PDE4D: variants seen among roughly 807,000 people sequenced by gnomAD.
The protein encoded by PDE4D is phosphodiesterase 4D.
PDE4D carries 24 observed loss-of-function variants against 87.4 expected under a neutral mutation model. The observed-to-expected ratio is 0.27, with a 90% CI of 0.20 to 0.39. The LOEUF is 0.39. Ranked by LOEUF, PDE4D falls within the 10% of genes least tolerant of loss-of-function variation. The probability of loss-of-function intolerance (pLI) is 1.00; values close to 1 mark genes in which losing one functional copy is unlikely to be tolerated. For synonymous variants in PDE4D, 384 were observed against 383.2 expected (o/e 1.00, Z -0.02); for missense variants, 714 against 1,041.0 (o/e 0.69, Z 4.32).
chr5:59,541,641 A>C (rs1816367635), intron 1 of PDE4D, among the ~76,000 whole-genome samples: 1 of 152,238 alleles, frequency 6.6e-6, no homozygotes, highest in Admixed American at 6.5e-5. Flanking sequence ...ATTGTGCAGA[A>C]AGCACATGGC....
At chr5:59,568,795 A>G (rs1170998101) in intron 1 of PDE4D, among the ~76,000 whole-genome samples, 2 of 152,200 alleles carry the variant, frequency 1.3e-5, no homozygotes, top group African/African-American at 4.8e-5. Flanking sequence ...GATAAATGAA[A>G]CACGAGAACT....
chr5:59,428,360 A>T (rs921139574), intron 1 of PDE4D, among the ~76,000 whole-genome samples: 3 of 151,990 alleles, frequency 2.0e-5, no homozygotes, highest in Non-Finnish European at 4.4e-5. Flanking sequence ...TTCTTTGGGT[A>T]GGCTGAAATA....
At position 60,321,730 on chromosome 5, in the gene PDE4D, A is replaced by G. The variant is rs190681526; in HGVS notation, c.-89-136043T>C. ...AAACAGCCCCATCACAAAGTGAGCA[A>G]AGGACATGAACAGACATTTTTCAGA... On this transcript the variant is annotated intron_variant, in intron 1 of 16. Coordinates refer to the PDE4D transcript ENST00000502484. Among the ~76,000 whole-genome samples, 320 of 152,328 alleles carry G rather than the reference A, an allele frequency of 2.1e-3. 3 individuals are homozygous for G. Among genetic ancestry groups the G allele is most frequent in the African/African-American group, 7.3e-3 (303 of 41,562 alleles).
At chr5:59,458,400 C>G (rs950839582) in intron 1 of PDE4D, among the ~76,000 whole-genome samples, 3 of 152,128 alleles carry the variant, frequency 2.0e-5, no homozygotes, top group Non-Finnish European at 4.4e-5. Flanking sequence ...AAGGAATTCT[C>G]AGTGAAACCT....
At chr5:60,002,096 G>T (rs1270887909) in intron 2 of PDE4D, among the ~76,000 whole-genome samples, 5 of 151,646 alleles carry the variant, frequency 3.3e-5, no homozygotes, top group African/African-American at 1.2e-4. Flanking sequence ...TCAATCAAAA[G>T]ACACAAAGTG....
At chr5:60,487,297 T>G (rs1040786883) in intron 1 of PDE4D, among the ~76,000 whole-genome samples, 1 of 152,242 alleles carries the variant, frequency 6.6e-6, no homozygotes, top group Non-Finnish European at 1.5e-5. Context: ...ATGTGTTTAA[T>G]GTACTTTTTA....
intron 1 of PDE4D, among the ~76,000 whole-genome samples, chr5:60,499,334 A>C (rs2150244139): frequency 6.6e-6 from 1 of 152,338 alleles, no homozygotes; most frequent in South Asian, 2.1e-4. Context: ...AAACAGAGGA[A>C]ACAATAAGGA....
intron 1 of PDE4D, among the ~76,000 whole-genome samples, chr5:59,398,769 T>G (rs1462888955): frequency 8.4e-6 from 1 of 119,008 alleles, no homozygotes. Flanking sequence ...GGTATTCAAT[T>G]AGGAAAAGAG....
At chr5:60,146,205 C>G (rs112057501) in intron 2 of PDE4D, among the ~76,000 whole-genome samples, 1 of 152,166 alleles carries the variant, frequency 6.6e-6, no homozygotes, top group Non-Finnish European at 1.5e-5. Context: ...CAAAGTGAGA[C>G]TCCATCTCAA....
chr5:60,127,844 T>C (rs1301397822), intron 2 of PDE4D, among the ~76,000 whole-genome samples: 3 of 152,020 alleles, frequency 2.0e-5, no homozygotes, highest in African/African-American at 7.2e-5. Flanking sequence ...AGTATATAAG[T>C]GATCATTGAA....
At chr5:59,357,798 C>CGTCATCG (rs1781617817) in intron 1 of PDE4D, among the ~76,000 whole-genome samples, 1 of 152,144 alleles carries the variant, frequency 6.6e-6, no homozygotes, top group Non-Finnish European at 1.5e-5. Context: ...ACCCTAGTGC[C>CGTCATCG]GTCATCGGTC....
chr5:59,237,536 A>G (rs75904141), intron 1 of PDE4D, among the ~76,000 whole-genome samples: 5,335 of 152,244 alleles, frequency 0.035, 325 homozygotes, highest in African/African-American at 0.12. Flanking sequence ...TTCAAATCTT[A>G]TGATTTTCCT....
chr5:59,457,719 C>A lies in PDE4D; in HGVS notation c.456-241751G>T, dbSNP rs540415250. Among the ~76,000 whole-genome samples, 71 of 152,056 alleles carry A rather than the reference C, an allele frequency of 4.7e-4. 1 individual carries two copies. The highest frequency in any genetic ancestry group is 1.7e-3 in the African/African-American group (70 of 41,494). ...CAGCCTGGCCAACATGGTGAAACCC[C>A]ATCTCAAGTAAAAATACAAAATAAA... On this transcript the variant is annotated intron_variant, in intron 1 of 14. Transcript: ENST00000340635.
intron 1 of PDE4D, among the ~76,000 whole-genome samples, chr5:60,280,072 G>A (rs1751745949): frequency 6.6e-6 from 1 of 151,894 alleles, no homozygotes; most frequent in South Asian, 2.1e-4. Flanking sequence ...ACAAGGCCCT[G>A]TCTCAAAAAG....
intron 3 of PDE4D, among the ~76,000 whole-genome samples, chr5:59,955,699 A>G (rs892400169): frequency 2.0e-5 from 3 of 152,080 alleles, no homozygotes; most frequent in African/African-American, 4.8e-5. Flanking sequence ...GTGCTGGGGT[A>G]TTTCTCACAA....
intron 2 of PDE4D, among the ~76,000 whole-genome samples, chr5:60,181,865 G>T (rs1784402046): frequency 6.6e-6 from 1 of 152,062 alleles, no homozygotes; most frequent in Non-Finnish European, 1.5e-5. Context: ...ATAAAGAAAA[G>T]AAAATGCTAA....
At chr5:59,569,560 A>C (rs147182859) in intron 1 of PDE4D, among the ~76,000 whole-genome samples, 1 of 152,292 alleles carries the variant, frequency 6.6e-6, no homozygotes, top group East Asian at 1.9e-4. Context: ...TTACTTCGCC[A>C]CCTGGACCAA....
intron 2 of PDE4D, among the ~76,000 whole-genome samples, chr5:60,108,629 C>G (rs1246327015): frequency 6.6e-6 from 1 of 151,996 alleles, no homozygotes; most frequent in Non-Finnish European, 1.5e-5. Flanking sequence ...GCTACAGTAA[C>G]CAAAACAGCA....
rs143981592 is a variant in PDE4D, at chr5:59,535,237, G to A, written c.456-319269C>T. ...GAAGTCTGTGAACCTCTAAAGCAGC[G>A]GAGTCATGAAAGACATTTAGAAAAA... On this transcript the variant is annotated intron_variant, in intron 1 of 14. Coordinates refer to ENST00000340635, the MANE Select transcript of PDE4D (RefSeq NM_001104631.2). Among the ~76,000 whole-genome samples the A allele has an allele frequency of 6.6e-5, 10 of 152,128 alleles. No homozygotes were observed. In the East Asian group the frequency reaches 7.7e-4, roughly 12 times the overall value.
Sources: gnomAD v4.1 joint callset for allele counts (sites outside exome capture counted in the v4.1 genomes callset) on GRCh38, gnomAD v4.1.1 for gene constraint, MANE v1.5 for transcripts, NCBI Gene and HGNC (gene_info 2026-07-23, HGNC 2026-07-21) for gene names.